The following ERN1 variants were observed in gnomAD, a reference collection of about 807,000 sequenced individuals.
The protein encoded by ERN1 is serine/threonine-protein kinase/endoribonuclease IRE1.
Under a neutral mutation model 113.1 loss-of-function variants are expected in ERN1, and 39 were observed. The observed-to-expected ratio is 0.34, with a 90% CI of 0.27 to 0.45. The LOEUF (loss-of-function observed/expected upper bound fraction) is 0.45. ERN1 is among the 20% of genes least tolerant of loss of function. The probability of loss-of-function intolerance (pLI) is 1.00; values close to 1 mark genes in which losing one functional copy is unlikely to be tolerated. For synonymous variants in ERN1, 507 were observed against 515.9 expected, an observed-to-expected ratio of 0.98 and a Z score of 0.23; for missense variants, 976 against 1,274.8, an observed-to-expected ratio of 0.77 and a Z score of 3.57.
rs750995594 is a variant in ERN1 at position 64,041,564 on chromosome 17, C to G, written c.*2424G>C. 5.3e-5 allele frequency: 8 copies of G among 152,118 alleles called. No individual in the cohort carries two copies. Among genetic ancestry groups the G allele is most frequent in the African/African-American group, 9.7e-5 (4 of 41,410 alleles). 9.4% of individuals were successfully genotyped at this position (152,118 alleles called of 1,614,324 possible). A position where few individuals can be genotyped will look rare whatever the true frequency, so the allele number is the denominator to read the frequency against. On this transcript the variant is annotated 3_prime_UTR_variant, in exon 22 of 22. Coordinates refer to ENST00000433197, the MANE Select transcript of ERN1 (RefSeq NM_001433.5). ...CCACACGAGATCTCTTCAAACAAAC[C>G]CCCCAGAGGATGGACGGGAACCAGG...
rs1333370407 is a variant in ERN1 at position 64,055,660 on chromosome 17, G to A, written c.1672+15C>T. ...ATAAAACATAAAATAGCACCAAGAT[G>A]GCAACTGGCTTTACCTCCATCGTCT... On this transcript the variant is annotated intron_variant, in intron 13 of 21. Coordinates refer to ENST00000433197, the MANE Select transcript of ERN1 (RefSeq NM_001433.5). 1.9e-5 allele frequency: 29 copies of A among 1,551,478 alleles called. No individual in the cohort carries two copies. Among genetic ancestry groups the A allele is most frequent in the Non-Finnish European group, 2.5e-5 (29 of 1,149,850 alleles).
At chr17:64,057,287 C>T (rs568251023) in intron 12 of ERN1, among the ~76,000 whole-genome samples, 203 of 152,288 alleles carry the variant, frequency 1.3e-3, no homozygotes, top group African/African-American at 4.3e-3. Context: ...GATTTAGGAA[C>T]AAAATTGTCC....
chr17:64,058,755 A>C (rs962246829), intron 11 of ERN1, among the ~76,000 whole-genome samples: 3 of 152,124 alleles, frequency 2.0e-5, no homozygotes, highest in Non-Finnish European at 4.4e-5. Flanking sequence ...GCACATGCTG[A>C]ATTTCCCACA....
intron 15 of ERN1, among the ~76,000 whole-genome samples, chr17:64,053,751 A>G (rs1423594582): frequency 2.0e-5 from 3 of 152,166 alleles, no homozygotes; most frequent in African/African-American, 7.2e-5. Flanking sequence ...ACAACTGTCC[A>G]GGTTTCCTGG....
intron 1 of ERN1, among the ~76,000 whole-genome samples, chr17:64,122,057 C>T (rs535504240): frequency 6.6e-6 from 1 of 152,358 alleles, no homozygotes; most frequent in African/African-American, 2.4e-5. Context: ...GTTTGGTCAG[C>T]TCCTCAGGGT....
chr17:64,102,862 G>T, intron 1 of ERN1: 1 of 985,110 alleles, frequency 1.0e-6, no homozygotes, highest in Non-Finnish European at 1.2e-6. Flanking sequence ...ACAACCATTT[G>T]AAATTTGATT....
chr17:64,087,281 G>C (rs1286506676), intron 2 of ERN1, among the ~76,000 whole-genome samples: 1 of 152,100 alleles, frequency 6.6e-6, no homozygotes, highest in Non-Finnish European at 1.5e-5. Flanking sequence ...GATCAGAACT[G>C]CCACTGTCAA....
chr17:64,058,107 G>T (rs1164590936), intron 11 of ERN1, 114 bp from the exon 12 acceptor site: 2 of 795,502 alleles, frequency 2.5e-6, no homozygotes, highest in Admixed American at 3.4e-5. Context: ...ACTGCAGGGG[G>T]TTTTATTTGT....
At position 64,114,070 on chromosome 17, in the gene ERN1, TAA is replaced by T. The variant is rs10718636; in HGVS notation, c.55-15831_55-15830del. ...AAGACTGTAATAAGAAGGTAAATGC[TAA>T]AAAAAAAAAAAAAAAAGCTTTTGCA... On this transcript the variant is annotated intron_variant, in intron 1 of 21. Coordinates refer to ENST00000433197, the MANE Select transcript of ERN1 (RefSeq NM_001433.5). 4.5e-3 allele frequency among the ~76,000 whole-genome samples: 506 copies of T among 112,390 alleles called. 1 individual carries two copies. The highest frequency in any genetic ancestry group is 8.2e-3 in the African/African-American group (257 of 31,362). The allele number at this position is 112,390 out of a possible 152,430, so 73.7% of individuals were successfully genotyped here. A position where few individuals can be genotyped will look rare whatever the true frequency, so the allele number is the denominator to read the frequency against.
chr17:64,063,865 G>T lies in ERN1; in HGVS notation c.1087+121C>A. 1 of 857,412 alleles carries T rather than the reference G, an allele frequency of 1.2e-6. No homozygotes were observed. The highest frequency in any genetic ancestry group is 2.6e-5 in the East Asian group (1 of 37,790). The allele number at this position is 857,412 out of a possible 1,614,324, so 53.1% of individuals were successfully genotyped here. A position where few individuals can be genotyped will look rare whatever the true frequency, so the allele number is the denominator to read the frequency against. On this transcript the variant is annotated intron_variant, in intron 10 of 21. Coordinates refer to ENST00000433197, the MANE Select transcript of ERN1 (RefSeq NM_001433.5). This position sits in a 1 kb window ranked among gnomAD's most constrained non-coding sequence, Gnocchi z 5.1. The stretch of plus-strand genomic sequence containing the variant: ...TGTCCCAAGGTCTCAGGGGCCAGCC[G>T]GGAAGGGCTCTGAGCACAAGGCCTT...
At chr17:64,108,192 T>C (rs1404749705) in intron 1 of ERN1, among the ~76,000 whole-genome samples, 1 of 151,318 alleles carries the variant, frequency 6.6e-6, no homozygotes, top group African/African-American at 2.4e-5. Context: ...TGTCCTCCTT[T>C]AATAGATCTG....
chr17:64,071,439 G>T (rs958688187), intron 6 of ERN1, among the ~76,000 whole-genome samples: 2 of 151,938 alleles, frequency 1.3e-5, no homozygotes, highest in Admixed American at 6.6e-5. Context: ...TGGGCAGGGG[G>T]GATGGAGTTT....
chr17:64,097,663 A>G (rs1914267149), intron 2 of ERN1, among the ~76,000 whole-genome samples: 1 of 152,186 alleles, frequency 6.6e-6, no homozygotes, highest in African/African-American at 2.4e-5. Flanking sequence ...CAACCCAATA[A>G]AGTGGTTAAC....
At chr17:64,078,674 A>G (rs1244218693) in intron 4 of ERN1, among the ~76,000 whole-genome samples, 6 of 152,072 alleles carry the variant, frequency 3.9e-5, no homozygotes, top group Admixed American at 3.9e-4. Flanking sequence ...TTTTATTCCT[A>G]TATGGATATC....
chr17:64,104,904 C>CG (rs1262616372), intron 1 of ERN1, among the ~76,000 whole-genome samples: 7 of 152,126 alleles, frequency 4.6e-5, no homozygotes, highest in African/African-American at 1.4e-4. Context: ...GTCATGCACA[C>CG]GTGTTCCATA....
intron 2 of ERN1, among the ~76,000 whole-genome samples, chr17:64,081,757 A>G (rs940954368): frequency 1.3e-5 from 2 of 152,168 alleles, no homozygotes; most frequent in African/African-American, 4.8e-5. Context: ...CTCTAAGTCA[A>G]TTTTACATTT....
intron 1 of ERN1, among the ~76,000 whole-genome samples, chr17:64,119,918 A>AT (rs987411215): frequency 1.9e-4 from 29 of 151,470 alleles, no homozygotes; most frequent in African/African-American, 7.0e-4. Flanking sequence ...GCCTTAAAAC[A>AT]TTTTTTGCTG....
At chr17:64,056,985 G>C (rs1184118232) in intron 12 of ERN1, among the ~76,000 whole-genome samples, 1 of 152,128 alleles carries the variant, frequency 6.6e-6, no homozygotes, top group Admixed American at 6.5e-5. Flanking sequence ...CCTGCTGAAG[G>C]ACCATGCCCC....
chr17:64,105,714 C>T (rs998134600), intron 1 of ERN1, among the ~76,000 whole-genome samples: 8 of 148,722 alleles, frequency 5.4e-5, no homozygotes, highest in African/African-American at 2.0e-4. Flanking sequence ...GCCTGTAATC[C>T]CAGCATTTTG....
Sources: gnomAD v4.1 joint callset for allele counts (sites outside exome capture counted in the v4.1 genomes callset) on GRCh38, gnomAD v4.1.1 for gene constraint, Gnocchi (gnomAD v3.1) non-coding constraint, MANE v1.5 for transcripts, NCBI Gene and HGNC (gene_info 2026-07-23, HGNC 2026-07-21) for gene names.